Variants in NTNG2 observed in about 807,000 individuals in gnomAD.
NTNG2 encodes netrin-G2.
In NTNG2, 15 loss-of-function variants were observed where a neutral mutation model predicts 47.6. The ratio of observed to expected loss-of-function variants is 0.32; its 90% CI spans 0.21 to 0.49. The LOEUF is 0.49. Among genes scored for constraint, NTNG2 ranks in the 20% least tolerant of loss-of-function variants. The probability of loss-of-function intolerance (pLI) is 0.99; values close to 1 mark genes in which losing one functional copy is unlikely to be tolerated. For missense variants in NTNG2, 578 were observed against 764.6 expected, an observed-to-expected ratio of 0.76 and a Z score of 2.88; for synonymous variants, 307 against 324.6, an observed-to-expected ratio of 0.95 and a Z score of 0.58.
Position 132,198,183 on chromosome 9 carries a change from G to A in NTNG2, c.431G>A (p.Gly144Asp), listed in dbSNP as rs1838461757. 2.5e-6 allele frequency: 4 copies of A among 1,613,548 alleles called. No homozygotes were observed. Among genetic ancestry groups the A allele is most frequent in the Non-Finnish European group, 3.4e-6 (4 of 1,180,036 alleles). Residue 144 changes from glycine to aspartate, a missense_variant, in exon 3 of 8, where the codon GGC becomes GAC. Gly to Asp is a moderately conservative substitution (Grantham distance 94, BLOSUM62 -1). Coordinates refer to ENST00000393229, the MANE Select transcript of NTNG2 (RefSeq NM_032536.4). The stretch of plus-strand genomic sequence containing the variant: ...GACGTGGTGATGACCTTCGAGTACG[G>A]CCGGCCCACGGTCATGGTCCTGGAG... ...TDDVVMTFEY[G>D]RPTVMVLEKS...
At chr9:132,213,331 CAAAAAAAAAAAAAAA>C (rs61393543) in intron 3 of NTNG2, among the ~76,000 whole-genome samples, 272 of 104,364 alleles carry the variant, frequency 2.6e-3, no homozygotes, top group Middle Eastern at 5.1e-3. Context: ...GACTCCATCT[CAAAAAAAAAAAAAAA>C]AAAAAAAAAA....
intron 5 of NTNG2, chr9:132,232,958 G>A (rs1841346123): frequency 6.6e-6 from 1 of 152,326 alleles, no homozygotes. Flanking sequence ...CAGCTCCCCT[G>A]GGGGCAGCAC....
At position 132,238,944 on chromosome 9, in the gene NTNG2, C is replaced by T. The variant is rs139134492; in HGVS notation, c.1055-160C>T. On this transcript the variant is annotated intron_variant, in intron 5 of 7. Coordinates refer to ENST00000393229, the MANE Select transcript of NTNG2 (RefSeq NM_032536.4). ...CAGGGAGGCCTCTCTCTTCCTGAAT[C>T]CGATGGAAGGGTGGGAGGCCTAGGG... 4.2e-6 allele frequency: 3 copies of T among 721,554 alleles called. No homozygotes were observed. In the East Asian group the frequency reaches 8.0e-5, roughly 19 times the overall value. 44.7% of individuals were successfully genotyped at this position (721,554 alleles called of 1,614,324 possible). A position where few individuals can be genotyped will look rare whatever the true frequency, so the allele number is the denominator to read the frequency against.
intron 3 of NTNG2, among the ~76,000 whole-genome samples, chr9:132,220,389 CT>C (rs1840273516): frequency 6.7e-6 from 1 of 149,888 alleles, no homozygotes; most frequent in Non-Finnish European, 1.5e-5. Context: ...GTTGCTTTTG[CT>C]TTTGGCATCC....
chr9:132,217,981 C>G (rs1043856394), intron 3 of NTNG2, among the ~76,000 whole-genome samples: 1 of 152,214 alleles, frequency 6.6e-6, no homozygotes, highest in African/African-American at 2.4e-5. Context: ...CGGTGTGGTC[C>G]ATATCGCTCC....
Position 132,226,807 on chromosome 9 carries a change from C to T in NTNG2, c.858-42C>T. The stretch of plus-strand genomic sequence containing the variant: ...TCCCCAGAGGCCAGGCCAGGCTGCC[C>T]ACAAGCTCTCTGACATCTCTGCCCT... On this transcript the variant is annotated intron_variant, in intron 3 of 7. Transcript: ENST00000393229. The surrounding 1 kb of genome is among the most constrained non-coding windows in gnomAD (Gnocchi z 4.8). The T allele has an allele frequency of 1.3e-6, 2 of 1,516,892 alleles. No individual in the cohort carries two copies. The allele number at this position is 1,516,892 out of a possible 1,614,324, so 94.0% of individuals were successfully genotyped here.
chr9:132,215,251 A>G lies in NTNG2; in HGVS notation c.858-11598A>G, dbSNP rs1198625179. On this transcript the variant is annotated intron_variant, in intron 3 of 7. Coordinates refer to ENST00000393229, the MANE Select transcript of NTNG2 (RefSeq NM_032536.4). The surrounding 1 kb of genome is among the most constrained non-coding windows in gnomAD (Gnocchi z 4.2). Reference sequence around the variant, plus strand: ...TTTTTATTTGGGAAATCTGGCAACCATTGTGGCATGGGGCTCTGTGGGGAA... The same window carrying G: ...TTTTTATTTGGGAAATCTGGCAACCGTTGTGGCATGGGGCTCTGTGGGGAA... Among the ~76,000 whole-genome samples the G allele has an allele frequency of 6.6e-6, 1 of 152,110 alleles. No homozygotes were observed. The highest frequency in any genetic ancestry group is 1.9e-4 in the East Asian group (1 of 5,190).
intron 7 of NTNG2, 22 bp from the exon 8 acceptor site, chr9:132,241,854 T>G: frequency 2.6e-6 from 4 of 1,531,544 alleles, no homozygotes; most frequent in Non-Finnish European, 3.5e-6. Context: ...CCCCCCGTGC[T>G]GACCGCCCCC....
At chr9:132,165,524 C>T (rs188057177) in intron 1 of NTNG2, among the ~76,000 whole-genome samples, 62 of 152,306 alleles carry the variant, frequency 4.1e-4, no homozygotes, top group Admixed American at 9.8e-4. Flanking sequence ...TTTGCCATTT[C>T]AGATTGTGCC....
chr9:132,215,085 G>C lies in NTNG2; in HGVS notation c.858-11764G>C, dbSNP rs1010363340. Reference sequence around the variant, plus strand: ...AATTTTTTTGTAGAGATTGGGGGGGGGGGTCTCACTTTCTTGCCCAGGCTG... The same window carrying C: ...AATTTTTTTGTAGAGATTGGGGGGGCGGGTCTCACTTTCTTGCCCAGGCTG... On this transcript the variant is annotated intron_variant, in intron 3 of 7. Coordinates refer to ENST00000393229, the MANE Select transcript of NTNG2 (RefSeq NM_032536.4). This position sits in a 1 kb window ranked among gnomAD's most constrained non-coding sequence, Gnocchi z 4.2. Among the ~76,000 whole-genome samples, 11 of 149,336 alleles carry C rather than the reference G, an allele frequency of 7.4e-5. No homozygotes were observed. Among genetic ancestry groups the C allele is most frequent in the African/African-American group, 2.4e-4 (10 of 40,876 alleles).
chr9:132,227,298 A>G (rs1013327164), intron 4 of NTNG2, among the ~76,000 whole-genome samples: 1 of 152,244 alleles, frequency 6.6e-6, no homozygotes, highest in Non-Finnish European at 1.5e-5. Flanking sequence ...GCCAGGTCTC[A>G]TAACAAGTCC....
rs1171941818 is a variant in NTNG2, at chr9:132,195,105, CTTTCTT to C, written c.214-2859_214-2854del. 3.3e-5 allele frequency among the ~76,000 whole-genome samples: 5 copies of C among 152,244 alleles called. No homozygotes were observed. In the East Asian group the frequency reaches 9.7e-4, roughly 29 times the overall value. On this transcript the variant is annotated intron_variant, in intron 2 of 7. Coordinates refer to ENST00000393229, the MANE Select transcript of NTNG2 (RefSeq NM_032536.4). ...AGTGTTCGTTTTTTTCTTTCTTTCT[CTTTCTT>C]TCTTTCTTTCATTCATTAATAGACT... is the stretch of plus-strand genomic sequence containing the variant.
intron 2 of NTNG2, among the ~76,000 whole-genome samples, chr9:132,186,855 C>T (rs1405793158): frequency 6.6e-6 from 1 of 152,236 alleles, no homozygotes. Flanking sequence ...TGTCATATAC[C>T]GCTGTGTGCA....
chr9:132,175,275 G>A (rs1298128997), intron 2 of NTNG2, among the ~76,000 whole-genome samples: 7 of 152,138 alleles, frequency 4.6e-5, no homozygotes, highest in African/African-American at 1.7e-4. Context: ...TAGGAGCTGG[G>A]GTTCAGCCTT....
chr9:132,237,326 G>A (rs1315688594), intron 5 of NTNG2, among the ~76,000 whole-genome samples: 1 of 152,202 alleles, frequency 6.6e-6, no homozygotes, highest in Non-Finnish European at 1.5e-5. Context: ...GCCTGCCCTA[G>A]AGCTGGCCCA....
chr9:132,166,307 A>G (rs1449153219), intron 1 of NTNG2, 42 bp from the exon 2 acceptor site: 2 of 166,820 alleles, frequency 1.2e-5, no homozygotes, highest in Non-Finnish European at 2.7e-5. Context: ...GTTTCCAGCT[A>G]ACATGCCCAC....
chr9:132,222,218 G>A (rs570136193), intron 3 of NTNG2, among the ~76,000 whole-genome samples: 7 of 152,292 alleles, frequency 4.6e-5, no homozygotes, highest in African/African-American at 1.7e-4. Flanking sequence ...CAGGGGATTT[G>A]GAGAGCATCA....
At chr9:132,195,402 G>A (rs1294355872) in intron 2 of NTNG2, among the ~76,000 whole-genome samples, 13 of 151,734 alleles carry the variant, frequency 8.6e-5, no homozygotes, top group African/African-American at 1.9e-4. Flanking sequence ...TCCTCCTCCC[G>A]GGTTCATGCC....
intron 2 of NTNG2, among the ~76,000 whole-genome samples, chr9:132,183,406 T>G (rs575229870): frequency 1.3e-5 from 2 of 152,172 alleles, no homozygotes; most frequent in Non-Finnish European, 2.9e-5. Context: ...ATTGCCCCCC[T>G]GCAGTGTTTT....
Sources: allele counts gnomAD v4.1 joint callset (sites outside exome capture counted in the v4.1 genomes callset), GRCh38; gene constraint gnomAD v4.1.1; non-coding constraint Gnocchi (gnomAD v3.1); transcripts MANE v1.5; gene names NCBI Gene and HGNC (gene_info 2026-07-23, HGNC 2026-07-21).